DDI2: variants seen among roughly 807,000 people sequenced by gnomAD.
DDI2 encodes protein DDI1 homolog 2.
A neutral mutation model predicts 48.1 loss-of-function variants in DDI2; 5 were observed. That is an observed-to-expected ratio of 0.10 (90% CI 0.05 to 0.22). DDI2 has a LOEUF of 0.22. Among genes scored for constraint, DDI2 ranks in the 10% least tolerant of loss-of-function variants. The probability of loss-of-function intolerance (pLI) is 1.00; values close to 1 mark genes in which losing one functional copy is unlikely to be tolerated. For synonymous variants in DDI2, 205 were observed against 183.6 expected (o/e 1.12, Z -0.94); for missense variants, 285 against 506.2 (o/e 0.56, Z 4.19).
At chr1:15,653,407 C>G (rs1387778405) in intron 8 of DDI2, among the ~76,000 whole-genome samples, 1 of 152,028 alleles carries the variant, frequency 6.6e-6, no homozygotes, top group African/African-American at 2.4e-5. Flanking sequence ...CTCCGCCTCC[C>G]AAAGTATTAC....
intron 3 of DDI2, among the ~76,000 whole-genome samples, chr1:15,632,792 G>A (rs1209538905): frequency 6.6e-6 from 1 of 151,988 alleles, no homozygotes; most frequent in African/African-American, 2.4e-5. Context: ...AATGAGGAAT[G>A]GAGGAGTGGA....
rs116571870 is a variant in DDI2 at position 15,641,681 on chromosome 1, A to G, written c.761-1841A>G. On this transcript the variant is annotated intron_variant, in intron 5 of 9. Coordinates refer to ENST00000480945, the MANE Select transcript of DDI2 (RefSeq NM_032341.5). ...TAGAAGAAAGAGCATCAGGACAGGC[A>G]CAGTGGCTCAAACCTGTAATCCCAG... 8.8e-3 allele frequency among the ~76,000 whole-genome samples: 1,332 copies of G among 150,728 alleles called. 19 individuals are homozygous for G. Among genetic ancestry groups the G allele is most frequent in the African/African-American group, 0.03 (1,220 of 41,144 alleles).
chr1:15,634,758 C>G (rs1253369108), intron 4 of DDI2, among the ~76,000 whole-genome samples: 14 of 151,940 alleles, frequency 9.2e-5, no homozygotes. Flanking sequence ...TCTTGAACTC[C>G]TGAGCTCACG....
intron 3 of DDI2, among the ~76,000 whole-genome samples, chr1:15,631,576 G>T (rs1222129318): frequency 1.3e-5 from 2 of 152,126 alleles, no homozygotes. Context: ...TACCTTAAGC[G>T]AAGTACTCAG....
chr1:15,620,839 C>G (rs78199183), intron 1 of DDI2, among the ~76,000 whole-genome samples: 2 of 152,044 alleles, frequency 1.3e-5, no homozygotes, highest in Non-Finnish European at 2.9e-5. Flanking sequence ...TAAGGAAGGA[C>G]GAACTAAAAT....
intron 5 of DDI2, among the ~76,000 whole-genome samples, chr1:15,640,427 G>A (rs1164211013): frequency 1.3e-5 from 2 of 152,156 alleles, no homozygotes; most frequent in Non-Finnish European, 2.9e-5. Flanking sequence ...ATCAAGTCAC[G>A]CTTCCAGGTA....
At chr1:15,647,415 CTGGG>C (rs1473787504) in intron 6 of DDI2, among the ~76,000 whole-genome samples, 16 of 152,266 alleles carry the variant, frequency 1.1e-4, no homozygotes, top group African/African-American at 2.9e-4. Context: ...TCCCAAAGTG[CTGGG>C]ATTACAGGCG....
chr1:15,650,086 A>G (rs1183817418), intron 7 of DDI2, among the ~76,000 whole-genome samples: 4 of 152,182 alleles, frequency 2.6e-5, no homozygotes, highest in Non-Finnish European at 5.9e-5. Context: ...GTTCCCTTGT[A>G]TAATTTTCAG....
chr1:15,636,085 A>G (rs899683078), intron 4 of DDI2, among the ~76,000 whole-genome samples: 3 of 152,178 alleles, frequency 2.0e-5, no homozygotes, highest in African/African-American at 7.2e-5. Context: ...CTTGAGCTAG[A>G]TGATTATTAT....
chr1:15,617,657 G>GC lies in DDI2; in HGVS notation c.-14_-13insC. On this transcript the variant is annotated 5_prime_UTR_variant, in exon 1 of 10. Transcript: ENST00000480945. ...GCCGGGCCGAGCCGAGCCGAGCCGG[G>GC]TCGGGCCCGGGCCATGCTGCTCACC... is the stretch of plus-strand genomic sequence containing the variant. 3.5e-6 allele frequency: 5 copies of GC among 1,432,222 alleles called. No individual in the cohort carries two copies. The highest frequency in any genetic ancestry group is 4.6e-6 in the Non-Finnish European group (5 of 1,080,260). 88.7% of individuals were successfully genotyped at this position (1,432,222 alleles called of 1,614,324 possible). A position where few individuals can be genotyped will look rare whatever the true frequency, so the allele number is the denominator to read the frequency against.
chr1:15,650,019 C>A (rs766159905), intron 7 of DDI2, among the ~76,000 whole-genome samples, 196 bp downstream of exon 7: 8 of 152,184 alleles, frequency 5.3e-5, no homozygotes, highest in Non-Finnish European at 1.2e-4. Flanking sequence ...TTTGTGAAAT[C>A]TCTCTGTGAA....
chr1:15,625,807 C>T (rs1369712521), intron 1 of DDI2, among the ~76,000 whole-genome samples: 2 of 152,092 alleles, frequency 1.3e-5, no homozygotes, highest in Non-Finnish European at 2.9e-5. Context: ...TTAGTAGAGA[C>T]GGAGTTTCAC....
intron 1 of DDI2, among the ~76,000 whole-genome samples, chr1:15,622,198 CTT>C (rs923707351): frequency 7.6e-5 from 10 of 131,172 alleles, no homozygotes; most frequent in East Asian, 2.1e-4. Flanking sequence ...GTAGCTGCGA[CTT>C]TTTTTTTTTT....
chr1:15,634,900 G>A (rs1172291403), intron 4 of DDI2, among the ~76,000 whole-genome samples: 1 of 151,924 alleles, frequency 6.6e-6, no homozygotes, highest in Non-Finnish European at 1.5e-5. Context: ...TCAAAGTGCT[G>A]GGATTACAAG....
intron 8 of DDI2, among the ~76,000 whole-genome samples, chr1:15,653,139 T>G (rs1326791195): frequency 1.3e-5 from 2 of 151,964 alleles, no homozygotes; most frequent in African/African-American, 2.4e-5. Flanking sequence ...TTTTAGGAAG[T>G]TTTTTTTGGA....
intron 4 of DDI2, chr1:15,633,770 T>G (rs756842831): frequency 5.9e-6 from 4 of 675,036 alleles, no homozygotes; most frequent in Non-Finnish European, 1.0e-5. Context: ...GGTGCTTAGT[T>G]TAATGACTTT....
chr1:15,660,608 CATTT>C lies in DDI2; in HGVS notation c.*821_*824del. On this transcript the variant is annotated 3_prime_UTR_variant, in exon 10 of 10. Transcript: ENST00000480945. ...TGCAGTGGCTGCTCAAATTCAGAAA[CATTT>C]ATGGAAATCGATACAGCTCAACAGT... 1.2e-6 allele frequency: 2 copies of C among 1,614,010 alleles called. No individual in the cohort carries two copies. Among genetic ancestry groups the C allele is most frequent in the Non-Finnish European group, 1.7e-6 (2 of 1,179,978 alleles).
chr1:15,660,491 A>C lies in DDI2; in HGVS notation c.*701A>C. The C allele has an allele frequency of 6.2e-7, 1 of 1,613,990 alleles. No homozygotes were observed. The highest frequency in any genetic ancestry group is 8.5e-7 in the Non-Finnish European group (1 of 1,179,994). On this transcript the variant is annotated 3_prime_UTR_variant, in exon 10 of 10. Coordinates refer to ENST00000480945, the MANE Select transcript of DDI2 (RefSeq NM_032341.5). ...GAAGAAAGGCAACAGAATCAACACA[A>C]AATTGTTGATTTGGAAGCTACGATG...
chr1:15,636,775 T>G (rs1258002842), intron 4 of DDI2, among the ~76,000 whole-genome samples: 1 of 152,230 alleles, frequency 6.6e-6, no homozygotes, highest in Non-Finnish European at 1.5e-5. Context: ...GGACTTTCTA[T>G]AAATGGGCAG....
Sources: gnomAD v4.1 joint callset for allele counts (sites outside exome capture counted in the v4.1 genomes callset) on GRCh38, gnomAD v4.1.1 for gene constraint, MANE v1.5 for transcripts, NCBI Gene and HGNC (gene_info 2026-07-23, HGNC 2026-07-21) for gene names.